Variants in SCEL observed in about 807,000 individuals in gnomAD.
SCEL encodes sciellin.
SCEL carries 113 observed loss-of-function variants against 117.6 expected under a neutral mutation model. The ratio of observed to expected loss-of-function variants is 0.96; its 90% confidence interval spans 0.83 to 1.12. SCEL has a LOEUF of 1.12. Ranked by LOEUF, SCEL falls within the 50% of genes most tolerant of loss-of-function variation. SCEL has a pLI of 0.00. For missense variants in SCEL, 785 were observed against 810.8 expected, an observed-to-expected ratio of 0.97 and a Z score of 0.39; for synonymous variants, 270 against 256.2, an observed-to-expected ratio of 1.05 and a Z score of -0.51.
At chr13:77,539,441 G>A (rs1416750995) in intron 1 of SCEL, among the ~76,000 whole-genome samples, 6 of 151,836 alleles carry the variant, frequency 4.0e-5, no homozygotes, top group Non-Finnish European at 7.4e-5. Context: ...AGGTGAAAGC[G>A]GACCTTAAAT....
intron 18 of SCEL, among the ~76,000 whole-genome samples, chr13:77,603,446 CA>C (rs2087866548): frequency 6.6e-6 from 1 of 152,082 alleles, no homozygotes; most frequent in Non-Finnish European, 1.5e-5. Context: ...AGTGTATTTC[CA>C]AAATGACAGA....
At chr13:77,630,188 TG>T (rs535942934) in intron 28 of SCEL, among the ~76,000 whole-genome samples, 25 of 152,298 alleles carry the variant, frequency 1.6e-4, no homozygotes, top group South Asian at 1.5e-3. Context: ...GAAAAACTTT[TG>T]CTTCTGAGGC....
chr13:77,563,533 GTTGT>G (rs1362110107), intron 4 of SCEL, among the ~76,000 whole-genome samples: 1 of 152,150 alleles, frequency 6.6e-6, no homozygotes, highest in South Asian at 2.1e-4. Flanking sequence ...TGAGTGTTGT[GTTGT>G]TTGTTGTGTT....
intron 9 of SCEL, among the ~76,000 whole-genome samples, chr13:77,578,288 T>G (rs1301688903): frequency 6.6e-6 from 1 of 151,770 alleles, no homozygotes; most frequent in Non-Finnish European, 1.5e-5. Flanking sequence ...ACTCACCACA[T>G]GAGAACCTCC....
At chr13:77,599,494 A>C in intron 14 of SCEL, 106 bp downstream of exon 14, 1 of 983,864 alleles carries the variant, frequency 1.0e-6, no homozygotes, top group Non-Finnish European at 1.6e-6. Context: ...ATGGAAATGT[A>C]CTGGCAGATG....
At chr13:77,586,456 A>G (rs1039607036) in intron 9 of SCEL, among the ~76,000 whole-genome samples, 4 of 152,032 alleles carry the variant, frequency 2.6e-5, no homozygotes, top group Non-Finnish European at 4.4e-5. Flanking sequence ...GTTTTTTCAC[A>G]GTCCCCACTA....
In SCEL at chr13:77,563,902, A is replaced by T. The variant is rs2085133878; in HGVS notation, c.290+3A>T. 6.3e-7 allele frequency: 1 copy of T among 1,575,166 alleles called. No homozygotes were observed. On this transcript the variant is annotated splice_donor_region_variant and intron_variant, in intron 5 of 32. Coordinates refer to ENST00000349847, the MANE Select transcript of SCEL (RefSeq NM_144777.3). Reference sequence around the variant, plus strand: ...AGTTCTGATGACACTTTGGACAGGTAAGGGGCTTTTGAACCATATAAATGG... The same window carrying T: ...AGTTCTGATGACACTTTGGACAGGTTAGGGGCTTTTGAACCATATAAATGG...
intron 29 of SCEL, among the ~76,000 whole-genome samples, chr13:77,635,266 C>T (rs1354931875): frequency 1.3e-5 from 2 of 152,186 alleles, no homozygotes; most frequent in African/African-American, 4.8e-5. Flanking sequence ...ATCCAATTCT[C>T]ACTCTCTGGC....
intron 1 of SCEL, among the ~76,000 whole-genome samples, chr13:77,543,301 T>C (rs2083819757): frequency 6.6e-6 from 1 of 151,856 alleles, no homozygotes; most frequent in Non-Finnish European, 1.5e-5. Context: ...GCCGGGATGG[T>C]CTCGATCTCC....
intron 30 of SCEL, among the ~76,000 whole-genome samples, chr13:77,639,537 A>G (rs1212404458): frequency 6.6e-6 from 1 of 152,182 alleles, no homozygotes; most frequent in African/African-American, 2.4e-5. Context: ...TTTCAACACA[A>G]TGAGCGCATC....
intron 27 of SCEL, among the ~76,000 whole-genome samples, chr13:77,627,118 G>A (rs915430948): frequency 1.3e-5 from 2 of 152,082 alleles, no homozygotes; most frequent in Admixed American, 6.5e-5. Flanking sequence ...ATTTTGTGTT[G>A]ATTTCCCTTG....
chr13:77,582,198 G>T (rs551714186), intron 9 of SCEL, among the ~76,000 whole-genome samples: 1 of 152,146 alleles, frequency 6.6e-6, no homozygotes, highest in South Asian at 2.1e-4. Context: ...GTGTTTGTTT[G>T]TCATCTGTGT....
At chr13:77,593,298 C>CGCGCGCG (rs1195863187) in intron 11 of SCEL, among the ~76,000 whole-genome samples, 201 of 73,728 alleles carry the variant, frequency 2.7e-3, no homozygotes, top group Middle Eastern at 6.8e-3. Context: ...GTGTGTGTGT[C>CGCGCGCG]TGTGTGTGTG....
At chr13:77,592,413 C>T (rs1408350364) in intron 11 of SCEL, among the ~76,000 whole-genome samples, 1 of 152,190 alleles carries the variant, frequency 6.6e-6, no homozygotes, top group African/African-American at 2.4e-5. Context: ...CAGAACTTTT[C>T]AGAATCTTTA....
chr13:77,604,583 A>G (rs910227351), intron 19 of SCEL, among the ~76,000 whole-genome samples, 168 bp downstream of exon 19: 1 of 152,202 alleles, frequency 6.6e-6, no homozygotes, highest in Admixed American at 6.5e-5. Flanking sequence ...TGATACACCT[A>G]AATCTCCTGC....
At chr13:77,562,076 A>C (rs1013533111) in intron 4 of SCEL, among the ~76,000 whole-genome samples, 1 of 152,222 alleles carries the variant, frequency 6.6e-6, no homozygotes, top group African/African-American at 2.4e-5. Flanking sequence ...GATGACAGCC[A>C]AATAGCACCT....
chr13:77,560,185 C>T (rs879382282), intron 4 of SCEL, among the ~76,000 whole-genome samples: 10 of 150,890 alleles, frequency 6.6e-5, no homozygotes, highest in Admixed American at 2.0e-4. Flanking sequence ...AATCCCAACA[C>T]TTTGGGAGGC....
intron 27 of SCEL, among the ~76,000 whole-genome samples, chr13:77,620,757 C>T (rs866705457): frequency 3.0e-4 from 46 of 151,502 alleles, no homozygotes; most frequent in Middle Eastern, 3.4e-3. Flanking sequence ...TCTAGTGACA[C>T]CAAGGCCTTT....
At position 77,549,808 on chromosome 13, in the gene SCEL, G is replaced by A. The variant is rs112662214; in HGVS notation, c.-19-6049G>A. ...GATCCACGGGTCACTCAAGACACCAGTTTAACATTTAGGAGTTGATACAGA... is the reference window on the plus strand; with the variant it reads ...GATCCACGGGTCACTCAAGACACCAATTTAACATTTAGGAGTTGATACAGA... On this transcript the variant is annotated intron_variant, in intron 1 of 32. Coordinates refer to ENST00000349847, the MANE Select transcript of SCEL (RefSeq NM_144777.3). Among the ~76,000 whole-genome samples the A allele has an allele frequency of 4.5e-3, 691 of 152,276 alleles. 5 individuals carry two copies. Among genetic ancestry groups the A allele is most frequent in the African/African-American group, 0.016 (647 of 41,542 alleles).
Sources: gnomAD v4.1 joint callset for allele counts (sites outside exome capture counted in the v4.1 genomes callset) on GRCh38, gnomAD v4.1.1 for gene constraint, MANE v1.5 for transcripts, NCBI Gene and HGNC (gene_info 2026-07-23, HGNC 2026-07-21) for gene names.